The following ARHGEF4 variants were observed in gnomAD, a reference collection of about 807,000 sequenced individuals.
The protein encoded by ARHGEF4 is Rho guanine nucleotide exchange factor 4.
Under a neutral mutation model 162.0 loss-of-function variants are expected in ARHGEF4, and 119 were observed. The ratio of observed to expected loss-of-function variants is 0.73; its 90% CI spans 0.63 to 0.86. The LOEUF is 0.86. ARHGEF4 is among the 40% of genes least tolerant of loss of function. ARHGEF4 has a pLI of 0.00. For synonymous variants in ARHGEF4, 1,014 were observed against 979.9 expected (o/e 1.03, Z -0.65); for missense variants, 2,488 against 2,456.0 (o/e 1.01, Z -0.28).
At chr2:130,954,085 T>C (rs1468274085) in intron 4 of ARHGEF4, among the ~76,000 whole-genome samples, 1 of 152,226 alleles carries the variant, frequency 6.6e-6, no homozygotes, top group Non-Finnish European at 1.5e-5. Context: ...ATCATGCTGC[T>C]ATAAAGACAC....
At chr2:130,901,384 T>G (rs534328356) in intron 1 of ARHGEF4, among the ~76,000 whole-genome samples, 1 of 152,250 alleles carries the variant, frequency 6.6e-6, no homozygotes, top group East Asian at 1.9e-4. Context: ...ACTGCTGCCA[T>G]TGGGTGTGCA....
rs1574219248 is a variant in ARHGEF4, at chr2:130,914,486, C to T, written c.540C>T (p.His180=). Residue 180 remains histidine, a synonymous_variant, in exon 2 of 14, where the codon CAC becomes CAT. Transcript: ENST00000409359. ...RESLLAGVPR[H]TGCCLQRATD... Reference sequence around the variant, plus strand: ...CTTTGCTGGCAGGGGTTCCCCGACACACAGGGTGCTGCTTACAGAGGGCCA... The same window carrying T: ...CTTTGCTGGCAGGGGTTCCCCGACATACAGGGTGCTGCTTACAGAGGGCCA... The T allele has an allele frequency of 2.1e-6, 3 of 1,433,832 alleles. No individual in the cohort carries two copies. The highest frequency in any genetic ancestry group is 2.7e-6 in the Non-Finnish European group (3 of 1,099,942). The allele number at this position is 1,433,832 out of a possible 1,614,324, so 88.8% of individuals were successfully genotyped here. A position where few individuals can be genotyped will look rare whatever the true frequency, so the allele number is the denominator to read the frequency against.
intron 5 of ARHGEF4, chr2:131,035,847 A>C: frequency 2.0e-6 from 2 of 985,350 alleles, no homozygotes; most frequent in Non-Finnish European, 1.2e-6. Flanking sequence ...GTAGGTGGGC[A>C]GGGTGGGGAG....
intron 4 of ARHGEF4, among the ~76,000 whole-genome samples, chr2:130,995,652 T>G (rs548359599): frequency 2.5e-3 from 387 of 152,338 alleles, no homozygotes; most frequent in Middle Eastern, 6.8e-3. Context: ...TTATATTTGC[T>G]TCTGCCAAGG....
At chr2:130,987,171 C>T (rs569909668) in intron 4 of ARHGEF4, among the ~76,000 whole-genome samples, 1 of 152,208 alleles carries the variant, frequency 6.6e-6, no homozygotes, top group Non-Finnish European at 1.5e-5. Context: ...GTACCACACA[C>T]CATCTGGGCA....
Position 131,027,925 on chromosome 2 carries a change from G to A in ARHGEF4, c.3986-20G>A. 1 of 1,613,186 alleles carries A rather than the reference G, an allele frequency of 6.2e-7. No homozygotes were observed. Among genetic ancestry groups the A allele is most frequent in the Non-Finnish European group, 8.5e-7 (1 of 1,179,838 alleles). On this transcript the variant is annotated intron_variant, in intron 4 of 13. Coordinates refer to ENST00000409359, the MANE Select transcript of ARHGEF4 (RefSeq NM_001367493.1). ...TTCCCAGCCCAGCCCCCTTTGCCCAGCTGCTGTCTCTCCTTCCAGCCATGC... is the reference window on the plus strand; with the variant it reads ...TTCCCAGCCCAGCCCCCTTTGCCCAACTGCTGTCTCTCCTTCCAGCCATGC...
At chr2:131,033,160 C>T (rs1159338631) in intron 5 of ARHGEF4, among the ~76,000 whole-genome samples, 2 of 152,174 alleles carry the variant, frequency 1.3e-5, no homozygotes, top group African/African-American at 4.8e-5. Context: ...TGTCTGCCTT[C>T]AAGCTTTTCT....
At chr2:130,922,923 G>GAT (rs60528259) in intron 2 of ARHGEF4, among the ~76,000 whole-genome samples, 39,768 of 145,444 alleles carry the variant, frequency 0.27, 5,483 homozygotes, top group South Asian at 0.36. Flanking sequence ...CCTCTTTAAT[G>GAT]ATATATATAT....
chr2:130,916,794 G>C lies in ARHGEF4; in HGVS notation c.2848G>C (p.Gly950Arg). 3.9e-6 allele frequency: 6 copies of C among 1,550,428 alleles called. No homozygotes were observed. The highest frequency in any genetic ancestry group is 5.2e-6 in the Non-Finnish European group (6 of 1,146,994). Residue 950 changes from glycine to arginine, a missense_variant, in exon 2 of 14, where the codon GGT (glycine) becomes CGT (arginine). Gly to Arg is a moderately radical substitution (Grantham distance 125, BLOSUM62 -2). Around this residue, in one of 6 missense-constraint regions of ARHGEF4, gnomAD observed 1,642 missense variants for 1,481.5 expected, o/e 1.11. Coordinates refer to ENST00000409359, the MANE Select transcript of ARHGEF4 (RefSeq NM_001367493.1). ...GAAGGAGAAGAGCAGGCTGCGCCAGGGTTCCTGGCGGGCGTTTCTGAAAAG... is the reference window on the plus strand; with the variant it reads ...GAAGGAGAAGAGCAGGCTGCGCCAGCGTTCCTGGCGGGCGTTTCTGAAAAG... ...GEKEKSRLRQ[G>R]SWRAFLKSKD...
intron 1 of ARHGEF4, among the ~76,000 whole-genome samples, chr2:130,909,664 A>G (rs1336705402): frequency 6.6e-6 from 1 of 152,178 alleles, no homozygotes; most frequent in Non-Finnish European, 1.5e-5. Context: ...TGTAAAAAAA[A>G]AAAGTAAATA....
intron 1 of ARHGEF4, among the ~76,000 whole-genome samples, chr2:130,852,792 G>A (rs1308590514): frequency 1.3e-5 from 2 of 152,182 alleles, no homozygotes; most frequent in Non-Finnish European, 2.9e-5. Context: ...AGCTTGTGCT[G>A]AGTCTCAAGC....
intron 1 of ARHGEF4, among the ~76,000 whole-genome samples, chr2:130,905,259 A>G (rs1367625090): frequency 1.3e-5 from 2 of 152,158 alleles, no homozygotes; most frequent in Non-Finnish European, 2.9e-5. Flanking sequence ...TTTTGTGTAT[A>G]TAGCTTAATT....
In ARHGEF4 at chr2:130,860,480, A is replaced by G. The variant is rs1244390736; in HGVS notation, c.39+23488A>G. Among the ~76,000 whole-genome samples, 30 of 79,530 alleles carry G rather than the reference A, an allele frequency of 3.8e-4. 5 individuals are homozygous for G. The highest frequency in any genetic ancestry group is 1.3e-3 in the African/African-American group (15 of 11,762). 52.2% of individuals were successfully genotyped at this position (79,530 alleles called of 152,430 possible). A position where few individuals can be genotyped will look rare whatever the true frequency, so the allele number is the denominator to read the frequency against. ...TCCCAGCACTTTGGGAGGCCGAGGC[A>G]GGCAGATCACGAGGTCAGGAGATCG... On this transcript the variant is annotated intron_variant, in intron 1 of 13. Coordinates refer to ENST00000409359, the MANE Select transcript of ARHGEF4 (RefSeq NM_001367493.1).
At chr2:130,928,347 G>A (rs527732894) in intron 2 of ARHGEF4, among the ~76,000 whole-genome samples, 4 of 152,322 alleles carry the variant, frequency 2.6e-5, no homozygotes, top group African/African-American at 9.6e-5. Context: ...ATGAAGCAGG[G>A]TGCTGAGTCG....
At chr2:130,999,426 G>T (rs1287702267) in intron 4 of ARHGEF4, among the ~76,000 whole-genome samples, 1 of 152,086 alleles carries the variant, frequency 6.6e-6, no homozygotes, top group Non-Finnish European at 1.5e-5. Flanking sequence ...AAAGTGCTGG[G>T]ATTACAGGCA....
chr2:130,991,711 A>C (rs909685172), intron 4 of ARHGEF4, among the ~76,000 whole-genome samples: 1 of 152,190 alleles, frequency 6.6e-6, no homozygotes, highest in Non-Finnish European at 1.5e-5. Context: ...GCAGCCCGCC[A>C]TGCCTGAGCC....
chr2:130,851,662 G>A (rs1351077773), intron 1 of ARHGEF4, among the ~76,000 whole-genome samples: 2 of 152,222 alleles, frequency 1.3e-5, no homozygotes, highest in South Asian at 4.1e-4. Context: ...TGAAGAAGAA[G>A]GGTAATGACA....
intron 5 of ARHGEF4, among the ~76,000 whole-genome samples, chr2:131,029,768 A>G (rs10928500): frequency 0.9 from 136,698 of 151,814 alleles, 62,258 homozygotes; most frequent in Non-Finnish European, 0.97. Flanking sequence ...TCGCCAGGCT[A>G]GTCTCAAACT....
chr2:131,016,906 C>T (rs1688807085), intron 4 of ARHGEF4, among the ~76,000 whole-genome samples: 1 of 152,204 alleles, frequency 6.6e-6, no homozygotes, highest in African/African-American at 2.4e-5. Context: ...AGCTACCTGC[C>T]TTCCCTTGTA....
Sources: gnomAD v4.1 joint callset for allele counts (sites outside exome capture counted in the v4.1 genomes callset) on GRCh38, gnomAD v4.1.1 for gene constraint, gnomAD v4.1.1 regional missense constraint, MANE v1.5 for transcripts, NCBI Gene and HGNC (gene_info 2026-07-23, HGNC 2026-07-21) for gene names.